The following RPUSD4 variants were observed in gnomAD, a reference collection of about 807,000 sequenced individuals.
RPUSD4 encodes pseudouridylate synthase RPUSD4, mitochondrial.
Under a neutral mutation model 35.4 loss-of-function variants are expected in RPUSD4, and 37 were observed. The ratio of observed to expected loss-of-function variants is 1.04; its 90% CI spans 0.80 to 1.37. The LOEUF is 1.37. Ranked by LOEUF, RPUSD4 falls within the 40% of genes most tolerant of loss-of-function variation. The probability of loss-of-function intolerance (pLI) is 0.00; values close to 1 mark genes in which losing one functional copy is unlikely to be tolerated. For synonymous variants in RPUSD4, 210 were observed against 192.7 expected (o/e 1.09, Z -0.74); for missense variants, 507 against 484.9 (o/e 1.05, Z -0.43).
rs757074867 is a variant in RPUSD4 at position 126,209,721 on chromosome 11, A to T, written c.357T>A (p.Gly119=). 1.2e-6 allele frequency: 2 copies of T among 1,612,130 alleles called. No homozygotes were observed. The highest frequency in any genetic ancestry group is 1.7e-6 in the Non-Finnish European group (2 of 1,179,312). The change falls in exon 3 of 7, where the codon GGT becomes GGA. Residue 119 remains glycine, a splice_region_variant and synonymous_variant. Transcript: ENST00000298317. The part of the protein sequence containing the change: ...INKPYGLPVH[G]GPGVQLCITD... ...TGATGCAGAGCTGGACCCCAGGGCC[A>T]CCTAAGAAGGAAAAAGCCAAAGGTT... is the stretch of plus-strand genomic sequence containing the variant.
chr11:126,208,308 T>C (rs1949795506), intron 3 of RPUSD4, among the ~76,000 whole-genome samples: 1 of 152,180 alleles, frequency 6.6e-6, no homozygotes, highest in South Asian at 2.1e-4. Flanking sequence ...CACAGAGCAA[T>C]TAAAAAGGAG....
Position 126,209,654 on chromosome 11 carries a change from T to C in RPUSD4, c.424A>G (p.Lys142Glu). Residue 142 changes from lysine (K) to glutamate (E), a missense_variant, in exon 3 of 7, where the codon AAG becomes GAG. Transcript: ENST00000298317. ...PILAKMLHGH[K>E]AEPLHLCHRL... is the part of the protein sequence containing the mutation. ...TGGCACAGATGCAAGGGCTCTGCCTTGTGGCCATGAAGCATCTTTGCCAGG... is the reference window on the plus strand; with the variant it reads ...TGGCACAGATGCAAGGGCTCTGCCTCGTGGCCATGAAGCATCTTTGCCAGG... 1 of 1,614,238 alleles carries C rather than the reference T, an allele frequency of 6.2e-7. No individual in the cohort carries two copies. Among genetic ancestry groups the C allele is most frequent in the East Asian group, 2.2e-5 (1 of 44,888 alleles).
In RPUSD4 at chr11:126,209,577, G is replaced by A; in HGVS notation, c.501C>T (p.Asp167=). 6.2e-7 allele frequency: 1 copy of A among 1,614,212 alleles called. No homozygotes were observed. The highest frequency in any genetic ancestry group is 8.5e-7 in the Non-Finnish European group (1 of 1,180,040). ...ACAACTCTTGGACTTGATGTGCCAT[G>A]TCCTTGTCCCAAGCCAACACCATTA... ...TGVMVLAWDK[D]MAHQVQELFR... The change falls in exon 3 of 7, where the codon GAC becomes GAT. Residue 167 remains aspartate, a synonymous_variant. Transcript: ENST00000298317.
chr11:126,205,128 T>A (rs1356520733), intron 5 of RPUSD4, among the ~76,000 whole-genome samples: 1 of 152,274 alleles, frequency 6.6e-6, no homozygotes, highest in Non-Finnish European at 1.5e-5. Flanking sequence ...ACTGGGATTA[T>A]CTTCACATTT....
In RPUSD4 at chr11:126,209,270, C is replaced by T. The variant is rs1237391717; in HGVS notation, c.557+251G>A. ...CCTCTCAAAGTGCTGTGATTACAGG[C>T]GTGAGCCACCATGTCCACCCCATGC... is the stretch of plus-strand genomic sequence containing the variant. On this transcript the variant is annotated intron_variant, in intron 3 of 6. Coordinates refer to ENST00000298317, the MANE Select transcript of RPUSD4 (RefSeq NM_032795.3). 8 of 429,864 alleles carry T rather than the reference C, an allele frequency of 1.9e-5. No individual in the cohort carries two copies. In the East Asian group the frequency reaches 3.6e-4, roughly 19 times the overall value. 26.6% of individuals were successfully genotyped at this position (429,864 alleles called of 1,614,324 possible).
rs372329296 is a variant in RPUSD4 at position 126,205,526 on chromosome 11, C to A, written c.738G>T (p.Gln246His). Reference sequence around the variant, plus strand: ...AGAGAGTGCTGCTGAGCACCTGGTACTGAGTTACAGCAACTTGCGCATTCC... The same window carrying A: ...AGAGAGTGCTGCTGAGCACCTGGTAATGAGTTACAGCAACTTGCGCATTCC... ...RSRNAQVAVTQYQVLSSTLSS... is the reference protein window; with the variant it reads ...RSRNAQVAVTHYQVLSSTLSS... The change falls in exon 5 of 7, where the codon CAG becomes CAT. Residue 246 changes from glutamine to histidine, a missense_variant. Coordinates refer to ENST00000298317, the MANE Select transcript of RPUSD4 (RefSeq NM_032795.3). 8.1e-6 allele frequency: 13 copies of A among 1,614,140 alleles called. No homozygotes were observed. The African/African-American group carries it at 1.2e-4, about 15-fold the overall frequency.
chr11:126,203,165 G>T lies in RPUSD4; in HGVS notation c.*253C>A. On this transcript the variant is annotated 3_prime_UTR_variant, in exon 7 of 7. Coordinates refer to ENST00000298317, the MANE Select transcript of RPUSD4 (RefSeq NM_032795.3). ...TATTGGCAATGAGAGCCCACGGCAG[G>T]GAGACTTCCAGCAGGCTTTTCCACA... The T allele has an allele frequency of 2.2e-6, 1 of 459,464 alleles. No homozygotes were observed. 28.5% of individuals were successfully genotyped at this position (459,464 alleles called of 1,614,324 possible).
chr11:126,210,375 T>C (rs545182731), intron 2 of RPUSD4, among the ~76,000 whole-genome samples: 39 of 152,300 alleles, frequency 2.6e-4, no homozygotes, highest in Admixed American at 2.0e-3. Context: ...TTTCCCTCTT[T>C]CACAAATGCA....
At chr11:126,204,875 G>C (rs142656319) in intron 5 of RPUSD4, among the ~76,000 whole-genome samples, 282 of 152,064 alleles carry the variant, frequency 1.9e-3, no homozygotes, top group African/African-American at 6.6e-3. Context: ...CTAAGATTTT[G>C]GCAACCACCA....
At position 126,211,560 on chromosome 11, in the gene RPUSD4, CG is replaced by C. The variant is rs1205641376; in HGVS notation, c.78del (p.Val27SerfsTer15). 1 of 1,614,210 alleles carries C rather than the reference CG, an allele frequency of 6.2e-7. No individual in the cohort carries two copies. The highest frequency in any genetic ancestry group is 8.5e-7 in the Non-Finnish European group (1 of 1,180,042). Reference sequence around the variant, plus strand: ...GCAGCGGCACAAAATGGCTTTGAGACGAGAGTGAAGAGACTCCCGCAACCTT... The same window carrying C: ...GCAGCGGCACAAAATGGCTTTGAGACAGAGTGAAGAGACTCCCGCAACCTT... ...NGQGCGSLFT[L>X]VSKPFCAAAA... On this transcript the variant is annotated frameshift_variant, in exon 1 of 7. Coordinates refer to ENST00000298317, the MANE Select transcript of RPUSD4 (RefSeq NM_032795.3). LOFTEE classifies it high-confidence loss of function.
chr11:126,210,872 T>C lies in RPUSD4; in HGVS notation c.355+18A>G, dbSNP rs1281882316. 2 of 1,607,040 alleles carry C rather than the reference T, an allele frequency of 1.2e-6. No homozygotes were observed. Among genetic ancestry groups the C allele is most frequent in the South Asian group, 2.2e-5 (2 of 90,466 alleles). On this transcript the variant is annotated intron_variant, in intron 2 of 6. Transcript: ENST00000298317. ...AAAGCAGCTGCAGGTTCCTCCACCT[T>C]TCCCGCGTGGTCCTTACCATGCACA...
At position 126,202,636 on chromosome 11, in the gene RPUSD4, C is replaced by T. The variant is rs1949725252; in HGVS notation, c.*782G>A. ...AAATTCAACCTCTAAGTATTATTTG[C>T]TTAGGTGCCTAAGCATCTTTAAAAA... On this transcript the variant is annotated 3_prime_UTR_variant, in exon 7 of 7. Coordinates refer to ENST00000298317, the MANE Select transcript of RPUSD4 (RefSeq NM_032795.3). The T allele has an allele frequency of 6.6e-6, 1 of 152,212 alleles. No individual in the cohort carries two copies. Among genetic ancestry groups the T allele is most frequent in the Admixed American group, 6.5e-5 (1 of 15,278 alleles). The allele number at this position is 152,212 out of a possible 1,614,324, so 9.4% of individuals were successfully genotyped here. A position where few individuals can be genotyped will look rare whatever the true frequency, so the allele number is the denominator to read the frequency against.
rs770687245 is a variant in RPUSD4 at position 126,205,518 on chromosome 11, A to C, written c.746T>G (p.Val249Gly). The change falls in exon 5 of 7, where the codon GTG becomes GGG. Residue 249 changes from valine (V) to glycine (G), a missense_variant. Coordinates refer to ENST00000298317, the MANE Select transcript of RPUSD4 (RefSeq NM_032795.3). Reference sequence around the variant, plus strand: ...GGCGGAGGAGAGAGTGCTGCTGAGCACCTGGTACTGAGTTACAGCAACTTG... The same window carrying C: ...GGCGGAGGAGAGAGTGCTGCTGAGCCCCTGGTACTGAGTTACAGCAACTTG... ...NAQVAVTQYQ[V>G]LSSTLSSALV... The C allele has an allele frequency of 1.2e-6, 2 of 1,614,260 alleles. No individual in the cohort carries two copies. Among genetic ancestry groups the C allele is most frequent in the Non-Finnish European group, 1.7e-6 (2 of 1,180,050 alleles).
chr11:126,204,225 T>C lies in RPUSD4; in HGVS notation c.894+6A>G, dbSNP rs374562314. 36 of 1,602,058 alleles carry C rather than the reference T, an allele frequency of 2.2e-5. No homozygotes were observed. Among genetic ancestry groups the C allele is most frequent in the Non-Finnish European group, 3.1e-5 (36 of 1,170,222 alleles). On this transcript the variant is annotated splice_donor_region_variant and intron_variant, in intron 6 of 6. Transcript: ENST00000298317. ...TCTGCTGCACATTGGGTCAAATTAG[T>C]ATTACCTGGGGGGCCAACCTATTCC... is the stretch of plus-strand genomic sequence containing the variant.
intron 3 of RPUSD4, chr11:126,208,861 A>G (rs932262680): frequency 6.6e-6 from 1 of 152,284 alleles, no homozygotes; most frequent in Non-Finnish European, 1.5e-5. Flanking sequence ...AACTGATTAC[A>G]TGGGTTGTTA....
At chr11:126,209,450 T>C in intron 3 of RPUSD4, 71 bp downstream of exon 3, 1 of 1,360,506 alleles carries the variant, frequency 7.4e-7, no homozygotes, top group Non-Finnish European at 1.0e-6. Context: ...AGTTTCTGTT[T>C]TTAATGAATA....
chr11:126,204,136 A>G (rs1949742869), intron 6 of RPUSD4, 95 bp downstream of exon 6: 1 of 867,492 alleles, frequency 1.2e-6, no homozygotes, highest in Non-Finnish European at 1.9e-6. Context: ...GAAGACAATC[A>G]GTAGGCTTTG....
In RPUSD4 at chr11:126,203,736, T is replaced by C. The variant is rs1001321660; in HGVS notation, c.895-79A>G. On this transcript the variant is annotated intron_variant, in intron 6 of 6. Coordinates refer to ENST00000298317, the MANE Select transcript of RPUSD4 (RefSeq NM_032795.3). The stretch of plus-strand genomic sequence containing the variant: ...CGAACATGCAAGGTCAGGGCACTTC[T>C]ACTTACAGGGAACCAAAACTAACCC... 9.2e-6 allele frequency: 14 copies of C among 1,523,808 alleles called. No individual in the cohort carries two copies. The African/African-American group carries it at 1.7e-4, about 18-fold the overall frequency. 94.4% of individuals were successfully genotyped at this position (1,523,808 alleles called of 1,614,324 possible).
Position 126,205,563 on chromosome 11 carries a change from A to G in RPUSD4, c.701T>C (p.Val234Ala), listed in dbSNP as rs1375900159. The G allele has an allele frequency of 2.5e-6, 4 of 1,614,248 alleles. No individual in the cohort carries two copies. The East Asian group carries it at 8.9e-5, about 36-fold the overall frequency. The change falls in exon 5 of 7, where the codon GTG becomes GCG. Residue 234 changes from valine to alanine, a missense_variant. By Grantham distance (64) the Val-to-Ala change is moderately conservative. Transcript: ENST00000298317. ...AACTTGCGCATTCCGGCTGCGCCGC[A>G]CTTTCACCATTTTCCCATCGTCCAT... ...YRMDDGKMVK[V>A]RRSRNAQVAV...
Sources: allele counts gnomAD v4.1 joint callset (sites outside exome capture counted in the v4.1 genomes callset), GRCh38; gene constraint gnomAD v4.1.1; transcripts MANE v1.5; gene names NCBI Gene and HGNC (gene_info 2026-07-23, HGNC 2026-07-21).